SLC6A6: variants seen among roughly 807,000 people sequenced by gnomAD.
The protein encoded by SLC6A6 is sodium- and chloride-dependent taurine transporter.
Under a neutral mutation model 68.8 loss-of-function variants are expected in SLC6A6, and 16 were observed. The observed-to-expected ratio is 0.23, with a 90% CI of 0.16 to 0.35. The LOEUF is 0.35. Ranked by LOEUF, SLC6A6 falls within the 10% of genes least tolerant of loss-of-function variation. The pLI, the probability that SLC6A6 is intolerant of heterozygous loss-of-function variation, is 1.00. For missense variants in SLC6A6, 474 were observed against 802.8 expected, an observed-to-expected ratio of 0.59 and a Z score of 4.95; for synonymous variants, 312 against 315.4, an observed-to-expected ratio of 0.99 and a Z score of 0.12.
chr3:14,432,476 G>T (rs1699747530), intron 2 of SLC6A6, among the ~76,000 whole-genome samples: 1 of 152,108 alleles, frequency 6.6e-6, no homozygotes, highest in African/African-American at 2.4e-5. Flanking sequence ...GGCTCCAGGG[G>T]CCCCTACAGC....
chr3:14,464,097 A>AG (rs1700559289), intron 6 of SLC6A6, among the ~76,000 whole-genome samples: 1 of 152,174 alleles, frequency 6.6e-6, no homozygotes, highest in Non-Finnish European at 1.5e-5. Context: ...AGGCAACCTC[A>AG]GAGCTCCTAC....
At chr3:14,442,118 G>C (rs1700003494) in intron 2 of SLC6A6, among the ~76,000 whole-genome samples, 1 of 152,226 alleles carries the variant, frequency 6.6e-6, no homozygotes. Context: ...GTGTGACAAG[G>C]GTCACGTGAC....
intron 2 of SLC6A6, among the ~76,000 whole-genome samples, chr3:14,431,757 C>A (rs1699729445): frequency 6.6e-6 from 1 of 152,080 alleles, no homozygotes; most frequent in African/African-American, 2.4e-5. Context: ...TCCTCTAGCA[C>A]CACACTCTGG....
Position 14,435,483 on chromosome 3 carries a change from C to T in SLC6A6, c.-11-8141C>T, listed in dbSNP as rs534259724. Among the ~76,000 whole-genome samples the T allele has an allele frequency of 1.5e-3, 232 of 152,332 alleles. 7 individuals carry two copies. The South Asian group carries it at 0.047, about 31-fold the overall frequency. On this transcript the variant is annotated intron_variant, in intron 2 of 14. Coordinates refer to ENST00000622186, the MANE Select transcript of SLC6A6 (RefSeq NM_003043.6). Reference sequence around the variant, plus strand: ...CTGTCCCAGAGACGGCATGCTGAAACGATTTCCTCAACAGAATTCACTTTC... The same window carrying T: ...CTGTCCCAGAGACGGCATGCTGAAATGATTTCCTCAACAGAATTCACTTTC...
chr3:14,474,581 C>G (rs1700830419), intron 10 of SLC6A6, among the ~76,000 whole-genome samples: 1 of 152,208 alleles, frequency 6.6e-6, no homozygotes, highest in African/African-American at 2.4e-5. Flanking sequence ...ACATGAACTC[C>G]TTAAGCTGCA....
At chr3:14,437,977 A>T (rs1474918426) in intron 2 of SLC6A6, among the ~76,000 whole-genome samples, 6 of 148,030 alleles carry the variant, frequency 4.1e-5, no homozygotes, top group Non-Finnish European at 8.9e-5. Context: ...ACAGGAGTGC[A>T]TCACATCATC....
chr3:14,462,083 G>A (rs769416575), intron 6 of SLC6A6, among the ~76,000 whole-genome samples: 2 of 152,192 alleles, frequency 1.3e-5, no homozygotes, highest in South Asian at 4.1e-4. Flanking sequence ...AAAATACCAC[G>A]TCCCACAGCA....
chr3:14,466,490 C>T (rs1700622678), intron 6 of SLC6A6, 26 bp from the exon 7 acceptor site: 5 of 1,596,106 alleles, frequency 3.1e-6, no homozygotes, highest in East Asian at 2.2e-5. Context: ...TGCCCATGGC[C>T]TCCTGAATCC....
intron 3 of SLC6A6, chr3:14,444,883 C>G (rs761046232): frequency 2.2e-6 from 1 of 454,756 alleles, no homozygotes; most frequent in Non-Finnish European, 4.4e-6. Context: ...TCCCCTGCCC[C>G]AATGCTTTGC....
chr3:14,475,456 C>T (rs951726480), intron 10 of SLC6A6, among the ~76,000 whole-genome samples: 1 of 152,220 alleles, frequency 6.6e-6, no homozygotes, highest in Non-Finnish European at 1.5e-5. Flanking sequence ...TGCAGATTTA[C>T]TCTAATAATT....
At chr3:14,431,439 G>T (rs568331369) in intron 2 of SLC6A6, among the ~76,000 whole-genome samples, 1 of 152,344 alleles carries the variant, frequency 6.6e-6, no homozygotes, top group East Asian at 1.9e-4. Context: ...TACAGGCTGG[G>T]AACGCAGGGA....
chr3:14,462,687 C>T (rs551501796), intron 6 of SLC6A6, among the ~76,000 whole-genome samples: 8 of 151,732 alleles, frequency 5.3e-5, no homozygotes, highest in African/African-American at 1.2e-4. Context: ...CGACAGAGAC[C>T]GTGTCTTAAA....
chr3:14,441,347 G>A lies in SLC6A6; in HGVS notation c.-11-2277G>A, dbSNP rs893272225. 2.6e-5 allele frequency among the ~76,000 whole-genome samples: 4 copies of A among 152,032 alleles called. 1 individual carries two copies. Among genetic ancestry groups the A allele is most frequent in the African/African-American group, 9.7e-5 (4 of 41,396 alleles). ...ACAATGGGCTGCCCTGATAACCATC[G>A]GGGGGCTGTGCAAGTCAATGCTGGA... is the stretch of plus-strand genomic sequence containing the variant. On this transcript the variant is annotated intron_variant, in intron 2 of 14. Coordinates refer to ENST00000622186, the MANE Select transcript of SLC6A6 (RefSeq NM_003043.6).
At chr3:14,480,005 C>T (rs1004264109) in intron 13 of SLC6A6, among the ~76,000 whole-genome samples, 2 of 152,142 alleles carry the variant, frequency 1.3e-5, no homozygotes, top group Non-Finnish European at 2.9e-5. Context: ...ATAGGCCCTC[C>T]CCTCCGTGAC....
chr3:14,483,756 A>G (rs962418592), intron 14 of SLC6A6, among the ~76,000 whole-genome samples: 2 of 152,204 alleles, frequency 1.3e-5, no homozygotes, highest in Non-Finnish European at 2.9e-5. Flanking sequence ...CAGTGGCTCA[A>G]TCACAGCCTC....
At chr3:14,462,160 C>T (rs536951934) in intron 6 of SLC6A6, among the ~76,000 whole-genome samples, 2 of 152,298 alleles carry the variant, frequency 1.3e-5, no homozygotes, top group East Asian at 3.9e-4. Context: ...TTGGGGATCC[C>T]GGGGGAGCCA....
At chr3:14,407,643 A>G (rs1167892982) in intron 1 of SLC6A6, among the ~76,000 whole-genome samples, 3 of 151,948 alleles carry the variant, frequency 2.0e-5, no homozygotes, top group Non-Finnish European at 4.4e-5. Context: ...AGCTGGGACT[A>G]CAGGCGCACG....
chr3:14,479,031 C>A, intron 12 of SLC6A6, 54 bp from the exon 13 acceptor site: 1 of 1,150,248 alleles, frequency 8.7e-7, no homozygotes, highest in Non-Finnish European at 1.3e-6. Flanking sequence ...GGCCCCTGAG[C>A]TGCTGCTGGC....
intron 2 of SLC6A6, among the ~76,000 whole-genome samples, chr3:14,431,087 C>CAT (rs10630184): frequency 0.8 from 121,756 of 152,038 alleles, 49,099 homozygotes; most frequent in African/African-American, 0.89. Context: ...CAGGAATGGA[C>CAT]ATCGTTTAAT....
Sources: gnomAD v4.1 joint callset for allele counts (sites outside exome capture counted in the v4.1 genomes callset) on GRCh38, gnomAD v4.1.1 for gene constraint, MANE v1.5 for transcripts, NCBI Gene and HGNC (gene_info 2026-07-23, HGNC 2026-07-21) for gene names.